The following DPYSL5 variants were observed in gnomAD, a reference collection of about 807,000 sequenced individuals.
DPYSL5 encodes dihydropyrimidinase-related protein 5.
DPYSL5 carries 9 observed loss-of-function variants against 58.4 expected under a neutral mutation model. The observed-to-expected ratio is 0.15, with a 90% CI of 0.09 to 0.27. The LOEUF (loss-of-function observed/expected upper bound fraction) is 0.27, where lower values mean the gene tolerates loss of function less well. Among genes scored for constraint, DPYSL5 ranks in the 10% least tolerant of loss-of-function variants. DPYSL5 has a pLI of 1.00. For missense variants in DPYSL5, 499 were observed against 770.6 expected (o/e 0.65, Z 4.17); for synonymous variants, 293 against 301.9 (o/e 0.97, Z 0.31).
intron 1 of DPYSL5, among the ~76,000 whole-genome samples, chr2:26,880,976 G>A (rs953054750): frequency 6.6e-6 from 1 of 152,198 alleles, no homozygotes; most frequent in African/African-American, 2.4e-5. Flanking sequence ...GCCATAACGT[G>A]GGGATAATAA....
intron 6 of DPYSL5, among the ~76,000 whole-genome samples, chr2:26,932,099 G>GAAAGAAAGGAAAAAAGAA (rs1558351271): frequency 3.6e-4 from 26 of 72,784 alleles, no homozygotes; most frequent in Middle Eastern, 6.4e-3. Flanking sequence ...AAAAGAAAGA[G>GAAAGAAAGGAAAAAAGAA]AAAGAAAGAA....
At chr2:26,862,349 A>G (rs528578608) in intron 1 of DPYSL5, among the ~76,000 whole-genome samples, 1 of 152,342 alleles carries the variant, frequency 6.6e-6, no homozygotes, top group East Asian at 1.9e-4. Context: ...TCGTGAATGT[A>G]TCTCACAATA....
chr2:26,939,777 A>T (rs1665269806), intron 8 of DPYSL5: 2 of 447,768 alleles, frequency 4.5e-6, no homozygotes, highest in Non-Finnish European at 8.1e-6. Context: ...ACTCTTAAAC[A>T]TTGCTATCCC....
intron 1 of DPYSL5, among the ~76,000 whole-genome samples, chr2:26,894,761 C>T (rs532836427): frequency 6.6e-6 from 1 of 152,266 alleles, no homozygotes; most frequent in African/African-American, 2.4e-5. Context: ...GAGATCTTGA[C>T]GACTGTATAC....
intron 1 of DPYSL5, among the ~76,000 whole-genome samples, chr2:26,866,353 C>T (rs1666139316): frequency 1.3e-5 from 2 of 152,116 alleles, no homozygotes; most frequent in Admixed American, 6.6e-5. Context: ...TACATATTCA[C>T]TGTGGAAAAT....
intron 2 of DPYSL5, among the ~76,000 whole-genome samples, chr2:26,909,724 A>T (rs1315707862): frequency 6.6e-6 from 1 of 152,140 alleles, no homozygotes. Flanking sequence ...GCAGTGAGCT[A>T]TGATCATGCC....
rs776454208 is a variant in DPYSL5, at chr2:26,942,564, G to A, written c.1254G>A (p.Gln418=). 6.2e-7 allele frequency: 1 copy of A among 1,614,098 alleles called. No homozygotes were observed. Among genetic ancestry groups the A allele is most frequent in the Non-Finnish European group, 8.5e-7 (1 of 1,180,022 alleles). ...CCAGGACCATCTCAGCCAGCACGCA[G>A]GTCCAGGGAGGAGACTTCAACCTGT... is the stretch of plus-strand genomic sequence containing the variant. ...EATKTISAST[Q]VQGGDFNLYE... is the part of the protein sequence containing the mutation. Residue 418 remains glutamine (Q), a synonymous_variant, in exon 11 of 13, where the codon CAG becomes CAA. Transcript: ENST00000288699. The surrounding 1 kb of genome is among the most constrained non-coding windows in gnomAD (Gnocchi z 5.9).
chr2:26,928,338 C>G lies in DPYSL5; in HGVS notation c.669+15C>G. 1 of 1,613,370 alleles carries G rather than the reference C, an allele frequency of 6.2e-7. No homozygotes were observed. Among genetic ancestry groups the G allele is most frequent in the Non-Finnish European group, 8.5e-7 (1 of 1,179,616 alleles). Reference sequence around the variant, plus strand: ...GTCCAGAGGAGGTGAGAAACACTTCCTGTAGCCTTTGTCAGCGTCTCTCAT... The same window carrying G: ...GTCCAGAGGAGGTGAGAAACACTTCGTGTAGCCTTTGTCAGCGTCTCTCAT... On this transcript the variant is annotated intron_variant, in intron 5 of 12. Coordinates refer to ENST00000288699, the MANE Select transcript of DPYSL5 (RefSeq NM_020134.4).
At chr2:26,888,283 T>G (rs1332949756) in intron 1 of DPYSL5, among the ~76,000 whole-genome samples, 6 of 149,676 alleles carry the variant, frequency 4.0e-5, no homozygotes, top group Admixed American at 1.3e-4. Flanking sequence ...CTTTCTGTCT[T>G]TCTTTCTTTC....
intron 1 of DPYSL5, among the ~76,000 whole-genome samples, chr2:26,876,151 T>TA (rs1663403257): frequency 6.6e-6 from 1 of 152,166 alleles, no homozygotes; most frequent in African/African-American, 2.4e-5. Flanking sequence ...CAAAGGAAGG[T>TA]AGCAGCCAAG....
intron 1 of DPYSL5, among the ~76,000 whole-genome samples, chr2:26,858,235 G>T (rs1309279852): frequency 7.8e-6 from 1 of 128,580 alleles, no homozygotes; most frequent in African/African-American, 2.9e-5. Flanking sequence ...GCAGAGGCGC[G>T]ATCTCGGCTC....
intron 1 of DPYSL5, among the ~76,000 whole-genome samples, chr2:26,882,111 A>G (rs7602547): frequency 2.0e-5 from 3 of 149,092 alleles, no homozygotes; most frequent in Non-Finnish European, 3.0e-5. Flanking sequence ...AAAAAAAAAA[A>G]AGAAAGAAAG....
intron 1 of DPYSL5, among the ~76,000 whole-genome samples, chr2:26,862,292 G>A (rs773616487): frequency 2.6e-5 from 4 of 152,236 alleles, no homozygotes; most frequent in Non-Finnish European, 4.4e-5. Flanking sequence ...CCCTCAGCAA[G>A]TTGGTTATCA....
At chr2:26,873,120 T>G (rs1663314641) in intron 1 of DPYSL5, among the ~76,000 whole-genome samples, 1 of 152,210 alleles carries the variant, frequency 6.6e-6, no homozygotes, top group Admixed American at 6.5e-5. Context: ...TTATATGTTT[T>G]TTTACTTCTT....
chr2:26,943,558 C>T (rs1003861313), intron 11 of DPYSL5, among the ~76,000 whole-genome samples: 5 of 152,176 alleles, frequency 3.3e-5, no homozygotes, highest in Admixed American at 6.5e-5. Flanking sequence ...CCACTGTGCG[C>T]GGCCCAATAA....
chr2:26,922,768 C>G (rs1328163062), intron 2 of DPYSL5, among the ~76,000 whole-genome samples: 1 of 152,348 alleles, frequency 6.6e-6, no homozygotes, highest in Admixed American at 6.5e-5. Context: ...GATGAATCAG[C>G]CTGGCACGAT....
intron 8 of DPYSL5, chr2:26,938,606 C>T (rs1319240854): frequency 1.3e-5 from 2 of 152,256 alleles, no homozygotes; most frequent in Non-Finnish European, 2.9e-5. Context: ...CTGATAAGCC[C>T]TGCCAGGTCC....
intron 1 of DPYSL5, among the ~76,000 whole-genome samples, chr2:26,867,452 T>A (rs539076684): frequency 7.1e-6 from 1 of 140,516 alleles, no homozygotes; most frequent in African/African-American, 2.8e-5. Context: ...TGTTTTTTTT[T>A]TTGTTTGTTT....
At chr2:26,872,101 T>TTAAA (rs1271314934) in intron 1 of DPYSL5, among the ~76,000 whole-genome samples, 1 of 152,198 alleles carries the variant, frequency 6.6e-6, no homozygotes, top group Non-Finnish European at 1.5e-5. Context: ...TCAGTGTCAT[T>TTAAA]TAAGTCCGGG....
Sources: allele counts gnomAD v4.1 joint callset (sites outside exome capture counted in the v4.1 genomes callset), GRCh38; gene constraint gnomAD v4.1.1; non-coding constraint Gnocchi (gnomAD v3.1); transcripts MANE v1.5; gene names NCBI Gene and HGNC (gene_info 2026-07-23, HGNC 2026-07-21).